The following CLIP2 variants were observed in gnomAD, a reference collection of about 807,000 sequenced individuals.
CLIP2 encodes CAP-Gly domain containing linker protein 2, also known as CAP-Gly domain-containing linker protein 2.
Under a neutral mutation model 111.7 loss-of-function variants are expected in CLIP2, and 41 were observed. That is an observed-to-expected ratio of 0.37 (90% CI 0.29 to 0.48). The LOEUF (loss-of-function observed/expected upper bound fraction) is 0.48, where lower values mean the gene tolerates loss of function less well. CLIP2 is among the 20% of genes least tolerant of loss of function. The pLI, the probability that CLIP2 is intolerant of heterozygous loss-of-function variation, is 0.99. For synonymous variants in CLIP2, 660 were observed against 644.2 expected (o/e 1.02, Z -0.37); for missense variants, 1,160 against 1,422.1 (o/e 0.82, Z 2.96).
intron 13 of CLIP2, among the ~76,000 whole-genome samples, chr7:74,396,651 C>G (rs1002515545): frequency 6.6e-6 from 1 of 152,042 alleles, no homozygotes; most frequent in African/African-American, 2.4e-5. Context: ...TGCCCGAGTA[C>G]CTGGGATTAC....
At chr7:74,357,551 AC>A in intron 6 of CLIP2, 74 bp downstream of exon 6, 1 of 1,388,476 alleles carries the variant, frequency 7.2e-7, no homozygotes, top group South Asian at 1.2e-5. Context: ...CAGAGCGGAG[AC>A]CCTGGAGGGG....
intron 2 of CLIP2, among the ~76,000 whole-genome samples, chr7:74,319,786 A>C (rs1554729751): frequency 6.6e-6 from 1 of 151,050 alleles, no homozygotes; most frequent in Non-Finnish European, 1.5e-5. Context: ...ACACCGCTGC[A>C]CTCCAGCCTG....
chr7:74,294,446 C>T (rs931342336), intron 1 of CLIP2, among the ~76,000 whole-genome samples: 12 of 152,198 alleles, frequency 7.9e-5, no homozygotes, highest in African/African-American at 1.2e-4. Context: ...CTTGATGGAG[C>T]GTTTCTTGCT....
intron 2 of CLIP2, among the ~76,000 whole-genome samples, chr7:74,331,600 C>G (rs1229627170): frequency 8.2e-6 from 1 of 122,316 alleles, no homozygotes; most frequent in Admixed American, 9.7e-5. Flanking sequence ...CAGAGTCTCA[C>G]TCTGTCTCGC....
chr7:74,364,500 A>G (rs1554310402), intron 8 of CLIP2, among the ~76,000 whole-genome samples, 185 bp downstream of exon 8: 1 of 152,134 alleles, frequency 6.6e-6, no homozygotes, highest in African/African-American at 2.4e-5. Flanking sequence ...GGAGCCCCCC[A>G]GGGAAGCTGT....
Position 74,386,546 on chromosome 7 carries a change from G to A in CLIP2, c.2505G>A (p.Arg835=), listed in dbSNP as rs1554314824. 1.9e-6 allele frequency: 3 copies of A among 1,611,384 alleles called. No homozygotes were observed. The South Asian group carries it at 3.3e-5, about 18-fold the overall frequency. ...VEGLQDKLNK[R]DKEVTALTSQ... is the part of the protein sequence containing the mutation. ...GCCTGCAGGACAAGCTGAACAAGAG[G>A]GACAAAGAGGTGACAGCCTTGACCT... is the stretch of plus-strand genomic sequence containing the variant. Residue 835 remains arginine (R), a synonymous_variant, in exon 12 of 17, where the codon AGG becomes AGA. Transcript: ENST00000223398.
Position 74,338,541 on chromosome 7 carries a change from G to C in CLIP2, c.215G>C (p.Gly72Ala). 6.2e-7 allele frequency: 1 copy of C among 1,600,670 alleles called. No homozygotes were observed. Among genetic ancestry groups the C allele is most frequent in the African/African-American group, 1.3e-5 (1 of 74,650 alleles). The change falls in exon 3 of 17, where the codon GGG becomes GCG. Residue 72 changes from glycine (G) to alanine (A), a missense_variant. By Grantham distance (60) the Gly-to-Ala change is moderately conservative (BLOSUM62 0). Coordinates refer to ENST00000223398, the MANE Select transcript of CLIP2 (RefSeq NM_003388.5). This position sits in a 1 kb window ranked among gnomAD's most constrained non-coding sequence, Gnocchi z 4.3. ...CCGGGCCCCAAGGCGGCGGAAGTGG[G>C]GGATGACTTCCTGGGGGACTTTGTG... ...EKPGPKAAEVGDDFLGDFVVG... is the reference protein window; with the variant it reads ...EKPGPKAAEVADDFLGDFVVG...
intron 5 of CLIP2, among the ~76,000 whole-genome samples, chr7:74,357,047 G>A (rs1437496893): frequency 1.3e-5 from 2 of 152,166 alleles, no homozygotes; most frequent in African/African-American, 2.4e-5. Flanking sequence ...GCTATCAGGA[G>A]CTGACTCTCC....
intron 13 of CLIP2, among the ~76,000 whole-genome samples, chr7:74,394,585 CTT>C (rs57195868): frequency 1.9e-4 from 29 of 152,348 alleles, no homozygotes; most frequent in African/African-American, 6.7e-4. Flanking sequence ...AAAGGAATCT[CTT>C]TGAAGCACAG....
chr7:74,403,994 A>G lies in CLIP2; in HGVS notation c.*146A>G. ...AATAACGTACTCACCGCCGCGGACA[A>G]TCCCCCACCCCGATCCCTCGCCAGA... is the stretch of plus-strand genomic sequence containing the variant. On this transcript the variant is annotated 3_prime_UTR_variant, in exon 17 of 17. Transcript: ENST00000223398. 1 of 866,066 alleles carries G rather than the reference A, an allele frequency of 1.2e-6. No homozygotes were observed. The highest frequency in any genetic ancestry group is 1.9e-6 in the Non-Finnish European group (1 of 522,324). 53.6% of individuals were successfully genotyped at this position (866,066 alleles called of 1,614,324 possible).
intron 6 of CLIP2, among the ~76,000 whole-genome samples, chr7:74,358,269 T>G (rs1284392243): frequency 2.0e-5 from 3 of 152,086 alleles, no homozygotes; most frequent in African/African-American, 7.2e-5. Context: ...CAGGCTGGCC[T>G]GGAATTCCTG....
At chr7:74,342,181 G>A (rs1554305485) in intron 3 of CLIP2, among the ~76,000 whole-genome samples, 1 of 151,998 alleles carries the variant, frequency 6.6e-6, no homozygotes, top group African/African-American at 2.4e-5. Context: ...TTCGAGACCA[G>A]CCTCACCAAT....
intron 8 of CLIP2, among the ~76,000 whole-genome samples, chr7:74,371,243 CAAAAAAAAAA>C (rs781898485): frequency 6.5e-5 from 4 of 61,618 alleles, no homozygotes; most frequent in Non-Finnish European, 1.1e-4. Flanking sequence ...AACTATGCCT[CAAAAAAAAAA>C]AAAAAAAAAA....
intron 2 of CLIP2, among the ~76,000 whole-genome samples, chr7:74,326,622 G>A (rs868969673): frequency 6.6e-6 from 1 of 151,938 alleles, no homozygotes; most frequent in African/African-American, 2.4e-5. Flanking sequence ...TACACACACA[G>A]GGCTGGGCCC....
Position 74,349,470 on chromosome 7 carries a change from GTATATATATATATATATATATATATATA to G in CLIP2, c.679-4396_679-4369del, listed in dbSNP as rs1158400867. 3.7e-3 allele frequency among the ~76,000 whole-genome samples: 125 copies of G among 33,800 alleles called. 3 individuals are homozygous for G. The highest frequency in any genetic ancestry group is 9.9e-3 in the African/African-American group (108 of 10,928). 22.2% of individuals were successfully genotyped at this position (33,800 alleles called of 152,430 possible). A position where few individuals can be genotyped will look rare whatever the true frequency, so the allele number is the denominator to read the frequency against. ...AAAGTATGTATGTGTGTGTGTGTGTGTATATATATATATATATATATATATATATATATATATATATGTAAATAAAAAT... is the reference window on the plus strand; with the variant it reads ...AAAGTATGTATGTGTGTGTGTGTGTGTATATATATATATGTAAATAAAAAT... On this transcript the variant is annotated intron_variant, in intron 3 of 16. Transcript: ENST00000223398.
chr7:74,363,035 G>A (rs1790377490), intron 7 of CLIP2, among the ~76,000 whole-genome samples: 3 of 150,560 alleles, frequency 2.0e-5, no homozygotes, highest in African/African-American at 2.4e-5. Flanking sequence ...ATGGAGTTTC[G>A]CTCTTGTTGC....
At chr7:74,322,094 C>T (rs1229889342) in intron 2 of CLIP2, among the ~76,000 whole-genome samples, 2 of 149,346 alleles carry the variant, frequency 1.3e-5, no homozygotes, top group Non-Finnish European at 1.5e-5. Flanking sequence ...TGGGTTCAAG[C>T]GATTCTTCTG....
chr7:74,372,887 G>GT, intron 8 of CLIP2, 45 bp from the exon 9 acceptor site: 2 of 325,190 alleles, frequency 6.2e-6, no homozygotes, highest in South Asian at 3.6e-5. Context: ...CCCTCCCTGC[G>GT]TCCCCGCCCC....
At chr7:74,389,068 A>G (rs1791200682) in intron 12 of CLIP2, 35 bp from the exon 13 acceptor site, 4 of 1,576,568 alleles carry the variant, frequency 2.5e-6, no homozygotes, top group Non-Finnish European at 3.4e-6. Context: ...CGTGTTCCCA[A>G]TCCTCTTCCT....
Sources: gnomAD v4.1 joint callset for allele counts (sites outside exome capture counted in the v4.1 genomes callset) on GRCh38, gnomAD v4.1.1 for gene constraint, Gnocchi (gnomAD v3.1) non-coding constraint, MANE v1.5 for transcripts, NCBI Gene and HGNC (gene_info 2026-07-23, HGNC 2026-07-21) for gene names.